COL22A1: variants seen among roughly 807,000 people sequenced by gnomAD.
COL22A1 encodes the protein collagen type XXII alpha 1 chain.
In COL22A1, 221 loss-of-function variants were observed where a neutral mutation model predicts 248.9. The ratio of observed to expected loss-of-function variants is 0.89; its 90% CI spans 0.80 to 0.99. COL22A1 has a LOEUF of 0.99. COL22A1 is among the 50% of genes least tolerant of loss of function. The pLI is 0.00. For missense variants in COL22A1, 2,240 were observed against 2,179.0 expected (o/e 1.03, Z -0.56); for synonymous variants, 891 against 793.4 (o/e 1.12, Z -2.07).
In COL22A1 at chr8:138,811,933, G is replaced by A. The variant is rs768082052; in HGVS notation, c.1327-12C>T. Reference sequence around the variant, plus strand: ...ACGGTCACCTGGCACTGGAAGGAAAGCCCAGGAGGTCAGAACCTGGCTCTT... The same window carrying A: ...ACGGTCACCTGGCACTGGAAGGAAAACCCAGGAGGTCAGAACCTGGCTCTT... On this transcript the variant is annotated splice_polypyrimidine_tract_variant and intron_variant, in intron 8 of 64. Transcript: ENST00000303045. 1.9e-5 allele frequency: 29 copies of A among 1,535,734 alleles called. No individual in the cohort carries two copies. Among genetic ancestry groups the A allele is most frequent in the South Asian group, 8.7e-5 (7 of 80,384 alleles).
At chr8:138,619,329 G>A (rs757669876) in intron 53 of COL22A1, 126 bp downstream of exon 53, 9 of 747,590 alleles carry the variant, frequency 1.2e-5, no homozygotes, top group East Asian at 1.0e-4. Context: ...AAGCACAGCC[G>A]TCTGGAGGAG....
chr8:138,671,690 A>G (rs964403607), intron 41 of COL22A1, among the ~76,000 whole-genome samples: 1 of 152,350 alleles, frequency 6.6e-6, no homozygotes, highest in South Asian at 2.1e-4. Flanking sequence ...CGGAGCAGAG[A>G]AAAGTCGTCA....
chr8:138,721,582 A>T (rs1732805762), intron 26 of COL22A1, among the ~76,000 whole-genome samples: 1 of 151,678 alleles, frequency 6.6e-6, no homozygotes, highest in African/African-American at 2.4e-5. Context: ...ACATAAATAA[A>T]CGTATTTCTA....
At chr8:138,827,072 C>T (rs1279182828) in intron 5 of COL22A1, 3 of 389,598 alleles carry the variant, frequency 7.7e-6, no homozygotes, top group African/African-American at 2.0e-5. Context: ...ATGACATCCA[C>T]AGTAAACGCT....
intron 3 of COL22A1, among the ~76,000 whole-genome samples, chr8:138,848,885 G>A (rs1210843362): frequency 1.3e-5 from 2 of 152,178 alleles, no homozygotes; most frequent in African/African-American, 4.8e-5. Flanking sequence ...AACAAGGGAA[G>A]GATGCCAGGG....
chr8:138,778,344 T>C lies in COL22A1; in HGVS notation c.1758+9A>G. 3 of 1,614,050 alleles carry C rather than the reference T, an allele frequency of 1.9e-6. No homozygotes were observed. Among genetic ancestry groups the C allele is most frequent in the Non-Finnish European group, 2.5e-6 (3 of 1,179,984 alleles). ...TAGAACCCCTGCCCAGACAAGTGCC[T>C]TCACTTACAGGAGCTCCGACACGTC... On this transcript the variant is annotated intron_variant, in intron 15 of 64. Coordinates refer to ENST00000303045, the MANE Select transcript of COL22A1 (RefSeq NM_152888.3).
chr8:138,838,539 T>G (rs1820608049), intron 4 of COL22A1, among the ~76,000 whole-genome samples: 1 of 152,142 alleles, frequency 6.6e-6, no homozygotes, highest in African/African-American at 2.4e-5. Flanking sequence ...GAAATAGACT[T>G]GTTTTCAAAA....
intron 30 of COL22A1, among the ~76,000 whole-genome samples, chr8:138,707,896 C>A (rs1381952984): frequency 6.6e-6 from 1 of 152,210 alleles, no homozygotes; most frequent in Non-Finnish European, 1.5e-5. Flanking sequence ...CCCATCATCT[C>A]AGCCCAAAAT....
intron 16 of COL22A1, among the ~76,000 whole-genome samples, chr8:138,768,421 G>A (rs912797954): frequency 7.9e-5 from 12 of 152,184 alleles, no homozygotes; most frequent in South Asian, 4.1e-4. Flanking sequence ...ACCAACATCC[G>A]GAGGCAGCAG....
intron 1 of COL22A1, among the ~76,000 whole-genome samples, chr8:138,900,112 A>G (rs7827058): frequency 0.97 from 146,983 of 152,300 alleles, 70,975 homozygotes; most frequent in East Asian, 1. Flanking sequence ...GTGAAAAAAC[A>G]TGCCAAAGAC....
Position 138,898,136 on chromosome 8 carries a change from T to C in COL22A1, c.-72-14892A>G, listed in dbSNP as rs577098477. On this transcript the variant is annotated intron_variant, in intron 1 of 64. Transcript: ENST00000303045. ...CCTCCACATGCCATTACATTAGGAA[T>C]TAGATTTCAATATATGAATTTCAGA... Among the ~76,000 whole-genome samples, 4 of 152,298 alleles carry C rather than the reference T, an allele frequency of 2.6e-5. No homozygotes were observed. The South Asian group carries it at 8.3e-4, about 32-fold the overall frequency.
At chr8:138,817,393 T>A (rs12155613) in intron 7 of COL22A1, among the ~76,000 whole-genome samples, 2 of 152,182 alleles carry the variant, frequency 1.3e-5, no homozygotes, top group Non-Finnish European at 2.9e-5. Flanking sequence ...GGCGGAGGGC[T>A]GCTCCTGTGG....
intron 32 of COL22A1, among the ~76,000 whole-genome samples, chr8:138,699,203 C>G (rs564716564): frequency 6.6e-5 from 10 of 152,328 alleles, no homozygotes; most frequent in African/African-American, 2.2e-4. Context: ...TAGGATGCCC[C>G]CATCTCCCCA....
chr8:138,594,165 C>T lies in COL22A1; in HGVS notation c.4467G>A (p.Pro1489=), dbSNP rs201934935. ...TGCCTTGAGATGACTTCATGTACGC[C>T]GGGGGCATCTGGGCCAGGAGGTAGG... is the stretch of plus-strand genomic sequence containing the variant. The part of the protein sequence containing the change: ...RLAYLLAQMP[P]AYMKSSQGRP... Residue 1489 remains proline (P), a synonymous_variant, in exon 63 of 65, where the codon CCG becomes CCA. Coordinates refer to ENST00000303045, the MANE Select transcript of COL22A1 (RefSeq NM_152888.3). 38 of 1,572,002 alleles carry T rather than the reference C, an allele frequency of 2.4e-5. 1 individual carries two copies. In the East Asian group the frequency reaches 3.3e-4, roughly 14 times the overall value.
chr8:138,808,733 C>T (rs139098150), intron 9 of COL22A1, among the ~76,000 whole-genome samples: 4 of 152,366 alleles, frequency 2.6e-5, no homozygotes, highest in Non-Finnish European at 5.9e-5. Context: ...CAGCAATCTA[C>T]ACTCTGGTCA....
chr8:138,905,383 G>A (rs919163265), intron 1 of COL22A1, among the ~76,000 whole-genome samples: 4 of 152,122 alleles, frequency 2.6e-5, no homozygotes, highest in African/African-American at 7.2e-5. Flanking sequence ...CTAAAGTGTT[G>A]GAACTTCCGA....
chr8:138,737,026 G>A (rs1746355614), intron 23 of COL22A1, among the ~76,000 whole-genome samples: 3 of 152,102 alleles, frequency 2.0e-5, no homozygotes, highest in Admixed American at 6.5e-5. Context: ...TCCTACCCCT[G>A]CTGCTCCATG....
At chr8:138,692,651 G>A (rs1056052139) in intron 35 of COL22A1, among the ~76,000 whole-genome samples, 7 of 151,988 alleles carry the variant, frequency 4.6e-5, no homozygotes, top group African/African-American at 1.7e-4. Flanking sequence ...GAACTCTCAC[G>A]GCCTTGGAGG....
intron 3 of COL22A1, among the ~76,000 whole-genome samples, chr8:138,862,106 C>T (rs971771670): frequency 6.6e-6 from 1 of 151,282 alleles, no homozygotes; most frequent in Non-Finnish European, 1.5e-5. Flanking sequence ...TAGTCCCAGC[C>T]ACTCGGGAGG....
Sources: gnomAD v4.1 joint callset for allele counts (sites outside exome capture counted in the v4.1 genomes callset) on GRCh38, gnomAD v4.1.1 for gene constraint, MANE v1.5 for transcripts, NCBI Gene and HGNC (gene_info 2026-07-23, HGNC 2026-07-21) for gene names.